Variants in CTNNA3 observed in about 807,000 individuals in gnomAD.
The protein encoded by CTNNA3 is catenin alpha 3.
CTNNA3 carries 76 observed loss-of-function variants against 95.7 expected under a neutral mutation model. The ratio of observed to expected loss-of-function variants is 0.79; its 90% CI spans 0.66 to 0.96. CTNNA3 has a LOEUF of 0.96. Ranked by LOEUF, CTNNA3 falls within the 40% of genes least tolerant of loss-of-function variation. The pLI is 0.00. For synonymous variants in CTNNA3, 431 were observed against 374.4 expected, an observed-to-expected ratio of 1.15 and a Z score of -1.74; for missense variants, 1,191 against 1,089.8, an observed-to-expected ratio of 1.09 and a Z score of -1.31.
intron 1 of CTNNA3, among the ~76,000 whole-genome samples, chr10:67,686,868 A>G (rs1193208081): frequency 6.6e-6 from 1 of 152,072 alleles, no homozygotes; most frequent in African/African-American, 2.4e-5. Flanking sequence ...GTTCCTTCCA[A>G]TGCCCAGACT....
chr10:66,952,794 T>A (rs1848601601), intron 7 of CTNNA3, among the ~76,000 whole-genome samples: 1 of 151,944 alleles, frequency 6.6e-6, no homozygotes, highest in South Asian at 2.1e-4. Context: ...TGTTAAATAT[T>A]TTGAAAATTA....
intron 7 of CTNNA3, among the ~76,000 whole-genome samples, chr10:66,921,146 G>T (rs1315628609): frequency 2.6e-5 from 4 of 152,162 alleles, no homozygotes. Flanking sequence ...CTGATTTCTG[G>T]CTTCTTAATA....
chr10:65,980,695 G>A (rs1338364314), intron 16 of CTNNA3, among the ~76,000 whole-genome samples: 1 of 151,734 alleles, frequency 6.6e-6, no homozygotes, highest in African/African-American at 2.4e-5. Flanking sequence ...TTCAACATCT[G>A]CAAGTCAATA....
At chr10:66,312,948 T>C (rs1298679716) in intron 12 of CTNNA3, among the ~76,000 whole-genome samples, 3 of 152,110 alleles carry the variant, frequency 2.0e-5, no homozygotes, top group Non-Finnish European at 2.9e-5. Context: ...CTCAAACACA[T>C]TGCCTGCTGA....
At chr10:67,358,422 G>T (rs141876886) in intron 5 of CTNNA3, among the ~76,000 whole-genome samples, 1 of 152,162 alleles carries the variant, frequency 6.6e-6, no homozygotes, top group Non-Finnish European at 1.5e-5. Flanking sequence ...ATCACACTTT[G>T]CACAGATCTT....
At chr10:65,986,918 T>G (rs2078441012) in intron 16 of CTNNA3, among the ~76,000 whole-genome samples, 1 of 150,806 alleles carries the variant, frequency 6.6e-6, no homozygotes, top group Non-Finnish European at 1.5e-5. Context: ...CACATATTTA[T>G]AGCCAACTGA....
At chr10:66,526,236 A>G (rs1431482225) in intron 10 of CTNNA3, among the ~76,000 whole-genome samples, 1 of 152,142 alleles carries the variant, frequency 6.6e-6, no homozygotes, top group Non-Finnish European at 1.5e-5. Context: ...CCTATGCTGG[A>G]GTGTAGCGGC....
At chr10:67,558,709 G>T (rs990317031) in intron 3 of CTNNA3, among the ~76,000 whole-genome samples, 1 of 152,260 alleles carries the variant, frequency 6.6e-6, no homozygotes, top group Non-Finnish European at 1.5e-5. Context: ...GAAGCGCAAG[G>T]GGTCAGGGAG....
chr10:66,413,326 A>G lies in CTNNA3; in HGVS notation c.1532-33974T>C, dbSNP rs1196033725. The stretch of plus-strand genomic sequence containing the variant: ...CTGGATAAGAACCTACATTTTTAAA[A>G]GATTCTCAGATGATGTGTATCACAT... On this transcript the variant is annotated intron_variant, in intron 11 of 17. Transcript: ENST00000433211. Among the ~76,000 whole-genome samples, 4 of 152,288 alleles carry G rather than the reference A, an allele frequency of 2.6e-5. No homozygotes were observed. The East Asian group carries it at 7.8e-4, about 30-fold the overall frequency.
chr10:67,092,818 T>C (rs1857736083), intron 7 of CTNNA3, among the ~76,000 whole-genome samples: 1 of 152,032 alleles, frequency 6.6e-6, no homozygotes, highest in African/African-American at 2.4e-5. Flanking sequence ...GGAAAATTAC[T>C]GCTAGGGCAA....
intron 7 of CTNNA3, among the ~76,000 whole-genome samples, chr10:66,980,355 T>A (rs183336705): frequency 1.3e-5 from 2 of 152,296 alleles, no homozygotes; most frequent in Admixed American, 1.3e-4. Flanking sequence ...TACTGTCTGC[T>A]TGCTCTGTTA....
intron 5 of CTNNA3, among the ~76,000 whole-genome samples, chr10:67,313,830 A>AGTT (rs1190166988): frequency 1.3e-5 from 2 of 152,204 alleles, no homozygotes; most frequent in African/African-American, 2.4e-5. Flanking sequence ...CTTAAACAAC[A>AGTT]AGGTCAAACA....
chr10:66,178,054 G>T (rs1029401583), intron 13 of CTNNA3, among the ~76,000 whole-genome samples: 1 of 150,950 alleles, frequency 6.6e-6, no homozygotes, highest in South Asian at 2.1e-4. Context: ...TATGATACTG[G>T]GTATATTAAT....
chr10:66,032,609 T>C (rs2079471260), intron 15 of CTNNA3, among the ~76,000 whole-genome samples: 2 of 152,226 alleles, frequency 1.3e-5, no homozygotes, highest in African/African-American at 4.8e-5. Flanking sequence ...ATGTATGTTG[T>C]ATGCCAGATA....
chr10:66,695,004 A>G lies in CTNNA3; in HGVS notation c.1281+71260T>C, dbSNP rs1393031475. Among the ~76,000 whole-genome samples the G allele has an allele frequency of 3.3e-5, 5 of 152,332 alleles. No individual in the cohort carries two copies. In the East Asian group the frequency reaches 9.6e-4, roughly 29 times the overall value. On this transcript the variant is annotated intron_variant, in intron 9 of 17. Transcript: ENST00000433211. ...TTTCATTTTGAACAGAGGCAAAGAAATACATTTGGCTATTTACTAACTATA... is the reference window on the plus strand; with the variant it reads ...TTTCATTTTGAACAGAGGCAAAGAAGTACATTTGGCTATTTACTAACTATA...
At chr10:66,879,970 G>A (rs1844781289) in intron 7 of CTNNA3, among the ~76,000 whole-genome samples, 1 of 152,048 alleles carries the variant, frequency 6.6e-6, no homozygotes, top group Non-Finnish European at 1.5e-5. Context: ...GCTGGAGGAA[G>A]GAAGGTTGAA....
intron 11 of CTNNA3, among the ~76,000 whole-genome samples, chr10:66,511,575 C>T (rs566564519): frequency 6.6e-6 from 1 of 150,516 alleles, no homozygotes; most frequent in African/African-American, 2.4e-5. Flanking sequence ...GTTTTCATTT[C>T]TTTCAAGAAG....
intron 7 of CTNNA3, among the ~76,000 whole-genome samples, chr10:66,957,767 G>A (rs1204189333): frequency 6.6e-6 from 1 of 152,038 alleles, no homozygotes; most frequent in Non-Finnish European, 1.5e-5. Context: ...AAGACAAGGG[G>A]AAAATTTGCT....
intron 5 of CTNNA3, among the ~76,000 whole-genome samples, chr10:67,338,558 G>GA (rs1842072563): frequency 6.6e-6 from 1 of 151,782 alleles, no homozygotes; most frequent in Non-Finnish European, 1.5e-5. Flanking sequence ...GCCCAGGAGA[G>GA]AAAATAACAG....
Sources: gnomAD v4.1 joint callset for allele counts (sites outside exome capture counted in the v4.1 genomes callset) on GRCh38, gnomAD v4.1.1 for gene constraint, MANE v1.5 for transcripts, NCBI Gene and HGNC (gene_info 2026-07-23, HGNC 2026-07-21) for gene names.